ZNF804B: variants seen among roughly 807,000 people sequenced by gnomAD.
ZNF804B encodes zinc finger 804B.
In ZNF804B, 80 loss-of-function variants were observed where a neutral mutation model predicts 101.4. That is an observed-to-expected ratio of 0.79 (90% CI 0.66 to 0.95). ZNF804B has a LOEUF of 0.95. Among genes scored for constraint, ZNF804B ranks in the 40% least tolerant of loss-of-function variants. The probability of loss-of-function intolerance (pLI) is 0.00; values close to 1 mark genes in which losing one functional copy is unlikely to be tolerated. For missense variants in ZNF804B, 1,673 were observed against 1,561.9 expected, an observed-to-expected ratio of 1.07 and a Z score of -1.20; for synonymous variants, 622 against 558.8, an observed-to-expected ratio of 1.11 and a Z score of -1.59.
At chr7:89,043,348 A>C (rs1789048200) in intron 1 of ZNF804B, among the ~76,000 whole-genome samples, 2 of 152,246 alleles carry the variant, frequency 1.3e-5, no homozygotes, top group Non-Finnish European at 2.9e-5. Context: ...TGAATTTTTT[A>C]CAATTAAACA....
At chr7:89,046,793 A>T (rs1333616179) in intron 1 of ZNF804B, among the ~76,000 whole-genome samples, 2 of 150,690 alleles carry the variant, frequency 1.3e-5, no homozygotes, top group South Asian at 2.1e-4. Flanking sequence ...ATTACTTATC[A>T]TTTTTTTTTA....
intron 2 of ZNF804B, among the ~76,000 whole-genome samples, chr7:89,239,801 T>TTATATA (rs35773657): frequency 4.0e-5 from 6 of 149,976 alleles, no homozygotes; most frequent in African/African-American, 1.2e-4. Context: ...TCATTTTTCT[T>TTATATA]TATATATATA....
intron 1 of ZNF804B, among the ~76,000 whole-genome samples, chr7:89,153,040 A>G (rs1233952471): frequency 2.6e-5 from 4 of 152,128 alleles, no homozygotes; most frequent in Non-Finnish European, 5.9e-5. Context: ...ATTATAAACT[A>G]AGACTCAAAA....
chr7:89,297,682 C>T (rs775411987), intron 2 of ZNF804B, among the ~76,000 whole-genome samples: 1 of 151,906 alleles, frequency 6.6e-6, no homozygotes, highest in Non-Finnish European at 1.5e-5. Flanking sequence ...TCCCTAGATT[C>T]ACCAGTTATT....
At chr7:89,169,800 G>A (rs1164320719) in intron 1 of ZNF804B, among the ~76,000 whole-genome samples, 1 of 152,142 alleles carries the variant, frequency 6.6e-6, no homozygotes, top group African/African-American at 2.4e-5. Flanking sequence ...GGTTGGGGAA[G>A]AAATATATAT....
intron 2 of ZNF804B, among the ~76,000 whole-genome samples, chr7:89,269,621 T>C (rs1409009174): frequency 6.6e-6 from 1 of 152,180 alleles, no homozygotes; most frequent in Non-Finnish European, 1.5e-5. Context: ...TAGTTCTAGG[T>C]CCATGAGGAA....
At chr7:88,870,221 C>T (rs1485625516) in intron 1 of ZNF804B, among the ~76,000 whole-genome samples, 1 of 150,598 alleles carries the variant, frequency 6.6e-6, no homozygotes, top group Non-Finnish European at 1.5e-5. Context: ...CCCGTCTCTA[C>T]TAAAAATACA....
At chr7:88,854,645 GCA>G (rs1791528366) in intron 1 of ZNF804B, among the ~76,000 whole-genome samples, 2 of 141,294 alleles carry the variant, frequency 1.4e-5, no homozygotes, top group Admixed American at 7.4e-5. Flanking sequence ...GGGTACATGT[GCA>G]CAACGTGCAG....
intron 1 of ZNF804B, among the ~76,000 whole-genome samples, chr7:88,925,135 C>T (rs1405529052): frequency 6.6e-6 from 1 of 152,138 alleles, no homozygotes; most frequent in African/African-American, 2.4e-5. Context: ...AGTCCTTAGT[C>T]TCACATTGTA....
At chr7:88,796,807 G>T (rs1342148335) in intron 1 of ZNF804B, among the ~76,000 whole-genome samples, 2 of 152,100 alleles carry the variant, frequency 1.3e-5, no homozygotes, top group South Asian at 2.1e-4. Flanking sequence ...CCACTAGATT[G>T]CACGTTTGAA....
At chr7:89,232,207 T>G (rs1431547894) in intron 2 of ZNF804B, among the ~76,000 whole-genome samples, 1 of 152,180 alleles carries the variant, frequency 6.6e-6, no homozygotes, top group Non-Finnish European at 1.5e-5. Context: ...TTGCTCTTTA[T>G]TCTGTTAATG....
intron 1 of ZNF804B, among the ~76,000 whole-genome samples, chr7:89,009,334 T>C (rs967307458): frequency 2.6e-5 from 4 of 152,222 alleles, no homozygotes; most frequent in Non-Finnish European, 5.9e-5. Context: ...GTTTCAATTA[T>C]TGAATCAAAT....
chr7:89,063,888 TCAGA>T (rs1325075246), intron 1 of ZNF804B, among the ~76,000 whole-genome samples: 1 of 152,124 alleles, frequency 6.6e-6, no homozygotes, highest in Non-Finnish European at 1.5e-5. Context: ...AGTGGAGAAA[TCAGA>T]CAAAGTGCCC....
intron 1 of ZNF804B, among the ~76,000 whole-genome samples, chr7:88,827,575 G>T (rs972338314): frequency 1.3e-5 from 2 of 151,740 alleles, no homozygotes; most frequent in African/African-American, 4.8e-5. Flanking sequence ...CACTCATTTG[G>T]GCTCTAGGTG....
chr7:88,971,771 T>G (rs1332401261), intron 1 of ZNF804B, among the ~76,000 whole-genome samples: 1 of 151,708 alleles, frequency 6.6e-6, no homozygotes, highest in South Asian at 2.1e-4. Flanking sequence ...CTTTTATTAT[T>G]ATTTAAACAG....
intron 1 of ZNF804B, among the ~76,000 whole-genome samples, chr7:89,069,047 A>G (rs1331171688): frequency 6.6e-6 from 1 of 152,128 alleles, no homozygotes; most frequent in Non-Finnish European, 1.5e-5. Flanking sequence ...ATGAGCAGGT[A>G]CTCTTTTATG....
chr7:89,303,330 A>G (rs1790512993), intron 2 of ZNF804B, among the ~76,000 whole-genome samples: 1 of 151,930 alleles, frequency 6.6e-6, no homozygotes, highest in South Asian at 2.1e-4. Context: ...GTAGACTAGA[A>G]AATATAACTA....
At chr7:89,243,748 TTTTGTTTTG>T (rs923784460) in intron 2 of ZNF804B, among the ~76,000 whole-genome samples, 1 of 150,444 alleles carries the variant, frequency 6.6e-6, no homozygotes, top group African/African-American at 2.5e-5. Flanking sequence ...TCATATTTTG[TTTTGTTTTG>T]TTTTTTTTTA....
chr7:88,937,104 T>C (rs1442587159), intron 1 of ZNF804B, among the ~76,000 whole-genome samples: 1 of 113,532 alleles, frequency 8.8e-6, no homozygotes, highest in Non-Finnish European at 1.7e-5. Flanking sequence ...TTGAAAAAAC[T>C]ATGAGAATAG....
Sources: allele counts gnomAD v4.1 joint callset (sites outside exome capture counted in the v4.1 genomes callset), GRCh38; gene constraint gnomAD v4.1.1; transcripts MANE v1.5; gene names NCBI Gene and HGNC (gene_info 2026-07-23, HGNC 2026-07-21).